The following SEPTIN9 variants were observed in gnomAD, a reference collection of about 807,000 sequenced individuals.
SEPTIN9 encodes the protein septin-9.
Under a neutral mutation model 56.6 loss-of-function variants are expected in SEPTIN9, and 13 were observed. The observed-to-expected ratio is 0.23, with a 90% CI of 0.15 to 0.37. The LOEUF (loss-of-function observed/expected upper bound fraction) is 0.37, where lower values mean the gene tolerates loss of function less well. Among genes scored for constraint, SEPTIN9 ranks in the 10% least tolerant of loss-of-function variants. The probability of loss-of-function intolerance (pLI) is 1.00; values close to 1 mark genes in which losing one functional copy is unlikely to be tolerated. For synonymous variants in SEPTIN9, 332 were observed against 334.1 expected (o/e 0.99, Z 0.07); for missense variants, 650 against 823.1 (o/e 0.79, Z 2.57).
In SEPTIN9 at chr17:77,405,253, C is replaced by T; in HGVS notation, c.721+2550C>T. The T allele has an allele frequency of 1.3e-5, 11 of 863,660 alleles. No homozygotes were observed. The highest frequency in any genetic ancestry group is 1.9e-5 in the Non-Finnish European group (11 of 565,514). The allele number at this position is 863,660 out of a possible 1,614,324, so 53.5% of individuals were successfully genotyped here. On this transcript the variant is annotated intron_variant, in intron 3 of 11. Transcript: ENST00000427177. The surrounding 1 kb of genome is among the most constrained non-coding windows in gnomAD (Gnocchi z 5.8). ...CGGGAGCCAGGCCCAGGGACACAAC[C>T]TGCGGGCTCTGCTTTCTGGAGCTCA...
intron 10 of SEPTIN9, among the ~76,000 whole-genome samples, chr17:77,496,019 C>T (rs1378156997): frequency 6.7e-6 from 1 of 149,976 alleles, no homozygotes; most frequent in Non-Finnish European, 1.5e-5. Context: ...CTTTTCTTTT[C>T]TTTTTCTTTT....
chr17:77,345,350 CA>C (rs1262702404), intron 2 of SEPTIN9, among the ~76,000 whole-genome samples: 7 of 152,200 alleles, frequency 4.6e-5, no homozygotes, highest in African/African-American at 1.4e-4. Flanking sequence ...TGCAAACACA[CA>C]GAAGCAGTTA....
chr17:77,493,369 A>G, intron 10 of SEPTIN9: 2 of 459,368 alleles, frequency 4.4e-6, no homozygotes. Flanking sequence ...GCTCTTTCAT[A>G]GGCACCTGTG....
chr17:77,454,755 G>C (rs2038122343), intron 3 of SEPTIN9, among the ~76,000 whole-genome samples: 1 of 152,212 alleles, frequency 6.6e-6, no homozygotes, highest in Non-Finnish European at 1.5e-5. Flanking sequence ...ACCCCACCGG[G>C]CCCCGGAGCG....
intron 4 of SEPTIN9, among the ~76,000 whole-genome samples, chr17:77,484,986 TTGTGATGGTGGTGAAG>T (rs2039670342): frequency 2.0e-5 from 2 of 100,668 alleles, no homozygotes; most frequent in South Asian, 3.5e-4. Context: ...ATGGTGGTGA[TTGTGATGGTGGTGAAG>T]GGGGTGATGG....
At chr17:77,459,103 A>G (rs1486683370) in intron 3 of SEPTIN9, among the ~76,000 whole-genome samples, 2 of 152,192 alleles carry the variant, frequency 1.3e-5, no homozygotes, top group Non-Finnish European at 2.9e-5. Flanking sequence ...CTGAGCCTGC[A>G]CCTGCTCCTC....
intron 3 of SEPTIN9, among the ~76,000 whole-genome samples, chr17:77,480,862 G>A (rs766305878): frequency 6.6e-6 from 1 of 152,208 alleles, no homozygotes; most frequent in Non-Finnish European, 1.5e-5. Flanking sequence ...GCAGAGCAGG[G>A]CCTGGATGGG....
chr17:77,431,170 G>T (rs1427133425), intron 3 of SEPTIN9, among the ~76,000 whole-genome samples: 2 of 152,100 alleles, frequency 1.3e-5, no homozygotes, highest in Non-Finnish European at 2.9e-5. Context: ...GGTGCTAGGG[G>T]TAGTGGCGCT....
chr17:77,400,378 C>T lies in SEPTIN9; in HGVS notation c.77-1681C>T, dbSNP rs775209802. On this transcript the variant is annotated intron_variant, in intron 2 of 11. Transcript: ENST00000427177. The surrounding 1 kb of genome is among the most constrained non-coding windows in gnomAD (Gnocchi z 4.1). ...ACAACTGAGAGTTCTCTGGAGTCCACACGGCTCCTTGCCCAGCTTCTGGTG... is the reference window on the plus strand; with the variant it reads ...ACAACTGAGAGTTCTCTGGAGTCCATACGGCTCCTTGCCCAGCTTCTGGTG... 2.0e-5 allele frequency among the ~76,000 whole-genome samples: 3 copies of T among 152,260 alleles called. No homozygotes were observed. The East Asian group carries it at 5.8e-4, about 29-fold the overall frequency.
intron 7 of SEPTIN9, among the ~76,000 whole-genome samples, chr17:77,490,492 G>A (rs905447873): frequency 7.9e-5 from 12 of 152,242 alleles, no homozygotes; most frequent in African/African-American, 2.4e-4. Context: ...TCATGGACGA[G>A]GGTGCTTGGA....
chr17:77,436,660 A>G lies in SEPTIN9; in HGVS notation c.721+33957A>G, dbSNP rs570234100. ...CTGGCCCCTGGCCCCGGCCACCTACACCTCCTGTTTTGCTGCACTAGCCTC... is the reference window on the plus strand; with the variant it reads ...CTGGCCCCTGGCCCCGGCCACCTACGCCTCCTGTTTTGCTGCACTAGCCTC... On this transcript the variant is annotated intron_variant, in intron 3 of 11. Coordinates refer to ENST00000427177, the MANE Select transcript of SEPTIN9 (RefSeq NM_001113491.2). This position sits in a 1 kb window ranked among gnomAD's most constrained non-coding sequence, Gnocchi z 4.4. Among the ~76,000 whole-genome samples the G allele has an allele frequency of 5.3e-5, 8 of 152,016 alleles. No individual in the cohort carries two copies. In the East Asian group the frequency reaches 1.5e-3, roughly 29 times the overall value.
Position 77,475,947 on chromosome 17 carries a change from G to C in SEPTIN9, c.722-6197G>C. The C allele has an allele frequency of 6.3e-7, 1 of 1,575,962 alleles. No homozygotes were observed. Among genetic ancestry groups the C allele is most frequent in the Non-Finnish European group, 8.6e-7 (1 of 1,157,152 alleles). ...ATTTCGGTCCGTGCTCTGAGAGCCA[G>C]GTGTGGGTTGGGTTTGGGGAAGACA... On this transcript the variant is annotated intron_variant, in intron 3 of 11. Transcript: ENST00000427177. This position sits in a 1 kb window ranked among gnomAD's most constrained non-coding sequence, Gnocchi z 4.6.
At chr17:77,457,432 T>C (rs1355962946) in intron 3 of SEPTIN9, among the ~76,000 whole-genome samples, 6 of 152,156 alleles carry the variant, frequency 3.9e-5, no homozygotes, top group African/African-American at 1.4e-4. Flanking sequence ...AGGGGTCAGA[T>C]AGGGGAACCC....
At chr17:77,335,854 GTATATA>G (rs143226437) in intron 2 of SEPTIN9, among the ~76,000 whole-genome samples, 2 of 59,522 alleles carry the variant, frequency 3.4e-5, no homozygotes, top group Non-Finnish European at 6.6e-5. Flanking sequence ...TATGTTGACT[GTATATA>G]TATATGTGGT....
intron 2 of SEPTIN9, among the ~76,000 whole-genome samples, chr17:77,361,824 G>C (rs62081005): frequency 0.037 from 5,663 of 152,072 alleles, 262 homozygotes; most frequent in Admixed American, 0.13. Context: ...AGTAGAGACA[G>C]GGTTTCACCG....
rs1387983003 is a variant in SEPTIN9, at chr17:77,445,499, T to C, written c.722-36645T>C. On this transcript the variant is annotated intron_variant, in intron 3 of 11. Transcript: ENST00000427177. This position sits in a 1 kb window ranked among gnomAD's most constrained non-coding sequence, Gnocchi z 4.7. ...GGAGCAGAGTGCAGGACCTGGGAAC[T>C]GGGGGTTGGTGCATGTGTGCACGCA... 1 of 447,886 alleles carries C rather than the reference T, an allele frequency of 2.2e-6. No homozygotes were observed. The highest frequency in any genetic ancestry group is 4.7e-6 in the Non-Finnish European group (1 of 214,702). The allele number at this position is 447,886 out of a possible 1,614,324, so 27.7% of individuals were successfully genotyped here. A position where few individuals can be genotyped will look rare whatever the true frequency, so the allele number is the denominator to read the frequency against.
chr17:77,340,088 C>T (rs555162361), intron 2 of SEPTIN9, among the ~76,000 whole-genome samples: 1 of 151,432 alleles, frequency 6.6e-6, no homozygotes, highest in Admixed American at 6.6e-5. Context: ...CTTGGCCTCC[C>T]AAAATGCTGG....
chr17:77,295,491 G>A (rs980738704), intron 1 of SEPTIN9, among the ~76,000 whole-genome samples: 1 of 152,048 alleles, frequency 6.6e-6, no homozygotes, highest in Non-Finnish European at 1.5e-5. Context: ...GAGCTCCCGC[G>A]CCCTCCCTTG....
intron 2 of SEPTIN9, among the ~76,000 whole-genome samples, chr17:77,363,874 C>T (rs2034493334): frequency 6.8e-6 from 1 of 146,306 alleles, no homozygotes; most frequent in Non-Finnish European, 1.6e-5. Context: ...AGCCTCTGGC[C>T]TGGTTCCGGC....
Sources: allele counts gnomAD v4.1 joint callset (sites outside exome capture counted in the v4.1 genomes callset), GRCh38; gene constraint gnomAD v4.1.1; non-coding constraint Gnocchi (gnomAD v3.1); transcripts MANE v1.5; gene names NCBI Gene and HGNC (gene_info 2026-07-23, HGNC 2026-07-21).